SOX6: variants seen among roughly 807,000 people sequenced by gnomAD.
The protein encoded by SOX6 is SRY-box transcription factor 6, also known as transcription factor SOX-6.
Under a neutral mutation model 97.8 loss-of-function variants are expected in SOX6, and 11 were observed. The observed-to-expected ratio is 0.11, with a 90% CI of 0.07 to 0.19. The LOEUF (loss-of-function observed/expected upper bound fraction) is 0.19, where lower values mean the gene tolerates loss of function less well. Ranked by LOEUF, SOX6 falls within the 10% of genes least tolerant of loss-of-function variation. SOX6 has a pLI of 1.00. For missense variants in SOX6, 810 were observed against 1,039.5 expected, an observed-to-expected ratio of 0.78 and a Z score of 3.04; for synonymous variants, 360 against 371.4, an observed-to-expected ratio of 0.97 and a Z score of 0.35.
intron 4 of SOX6, among the ~76,000 whole-genome samples, chr11:16,502,384 C>T (rs1218715820): frequency 6.6e-6 from 1 of 151,944 alleles, no homozygotes; most frequent in African/African-American, 2.4e-5. Context: ...ATGGGTGCAG[C>T]ACACCAACAT....
At position 16,336,061 on chromosome 11, in the gene SOX6, T is replaced by C. The variant is rs879371188; in HGVS notation, c.237+4951A>G. 1.4e-4 allele frequency among the ~76,000 whole-genome samples: 21 copies of C among 152,320 alleles called. 1 individual carries two copies. The highest frequency in any genetic ancestry group is 1.4e-3 in the Admixed American group (21 of 15,292). Reference sequence around the variant, plus strand: ...AGTTCAGATATTCTGGGGCTGATAGTCCACTATGGTTATTTCTACCTACTT... The same window carrying C: ...AGTTCAGATATTCTGGGGCTGATAGCCCACTATGGTTATTTCTACCTACTT... On this transcript the variant is annotated intron_variant, in intron 2 of 15. Coordinates refer to ENST00000683767, the MANE Select transcript of SOX6 (RefSeq NM_001367873.1).
intron 3 of SOX6, among the ~76,000 whole-genome samples, chr11:16,307,736 GCT>G (rs941006186): frequency 6.6e-6 from 1 of 152,248 alleles, no homozygotes; most frequent in Non-Finnish European, 1.5e-5. Flanking sequence ...TAATTCTGCT[GCT>G]GTTGTTGCCG....
chr11:16,584,584 T>A (rs982527044), intron 4 of SOX6, among the ~76,000 whole-genome samples: 2 of 152,164 alleles, frequency 1.3e-5, no homozygotes, highest in Non-Finnish European at 2.9e-5. Flanking sequence ...GAATGATTAG[T>A]AAGAGTTTAC....
At chr11:16,400,483 C>G (rs540933544) in intron 1 of SOX6, among the ~76,000 whole-genome samples, 14 of 151,430 alleles carry the variant, frequency 9.2e-5, no homozygotes, top group African/African-American at 1.4e-4. Flanking sequence ...TACTTTTGTA[C>G]TATAATAGCG....
chr11:15,975,100 C>T (rs1400963224), intron 15 of SOX6, among the ~76,000 whole-genome samples: 1 of 152,200 alleles, frequency 6.6e-6, no homozygotes, highest in African/African-American at 2.4e-5. Flanking sequence ...TGACACTAAG[C>T]ACTTGACATT....
intron 4 of SOX6, among the ~76,000 whole-genome samples, chr11:16,585,732 T>C (rs1848084913): frequency 7.0e-6 from 1 of 143,802 alleles, no homozygotes; most frequent in African/African-American, 2.6e-5. Flanking sequence ...ACCCAGGCTG[T>C]AGTGCAGTGG....
At chr11:16,326,402 G>T (rs1328418896) in intron 2 of SOX6, among the ~76,000 whole-genome samples, 1 of 151,746 alleles carries the variant, frequency 6.6e-6, no homozygotes, top group Non-Finnish European at 1.5e-5. Context: ...ACAACACTCA[G>T]CAGGATTGTT....
chr11:16,502,722 A>C (rs1473218639), intron 4 of SOX6, among the ~76,000 whole-genome samples: 1 of 152,198 alleles, frequency 6.6e-6, no homozygotes, highest in Non-Finnish European at 1.5e-5. Context: ...TCTGTGGGAC[A>C]CCATAAAGTG....
At chr11:16,628,620 CAAAA>C (rs71455891) in intron 3 of SOX6, among the ~76,000 whole-genome samples, 1 of 103,152 alleles carries the variant, frequency 9.7e-6, no homozygotes. Context: ...GACTCCATCT[CAAAA>C]AAAAAAAAAA....
chr11:16,373,241 A>G (rs1015183675), intron 1 of SOX6, among the ~76,000 whole-genome samples: 3 of 152,078 alleles, frequency 2.0e-5, no homozygotes, highest in African/African-American at 7.2e-5. Flanking sequence ...GACAACCACA[A>G]AGGACAATTC....
At chr11:16,623,335 AAT>A (rs1366942303) in intron 3 of SOX6, among the ~76,000 whole-genome samples, 4 of 152,106 alleles carry the variant, frequency 2.6e-5, no homozygotes, top group Admixed American at 1.3e-4. Context: ...AGCATTTTTT[AAT>A]ATGTTTGTTG....
intron 3 of SOX6, among the ~76,000 whole-genome samples, chr11:16,621,608 C>G (rs1393389200): frequency 6.6e-6 from 1 of 152,168 alleles, no homozygotes; most frequent in Non-Finnish European, 1.5e-5. Flanking sequence ...CATGTAGATA[C>G]TATGCTAAAC....
At chr11:16,121,361 A>G (rs758584858) in intron 6 of SOX6, among the ~76,000 whole-genome samples, 4 of 152,048 alleles carry the variant, frequency 2.6e-5, no homozygotes, top group Admixed American at 6.6e-5. Flanking sequence ...CATGAGAAAC[A>G]TGCTACTCCA....
At chr11:16,628,362 G>A (rs998557714) in intron 3 of SOX6, among the ~76,000 whole-genome samples, 2 of 152,012 alleles carry the variant, frequency 1.3e-5, no homozygotes, top group African/African-American at 2.4e-5. Flanking sequence ...GGTTGCTCAC[G>A]CCTGCAATCC....
At chr11:16,042,375 C>A (rs1197025110) in intron 12 of SOX6, among the ~76,000 whole-genome samples, 3 of 152,260 alleles carry the variant, frequency 2.0e-5, no homozygotes, top group African/African-American at 2.4e-5. Flanking sequence ...GGAAAGAATA[C>A]CCTACCCAGG....
At chr11:16,690,918 G>C (rs1489554828) in intron 3 of SOX6, among the ~76,000 whole-genome samples, 2 of 152,188 alleles carry the variant, frequency 1.3e-5, no homozygotes, top group Non-Finnish European at 2.9e-5. Context: ...TTCAAATAGA[G>C]GTCAAAGGCT....
chr11:16,373,889 G>GGGAGGA (rs1565119057), intron 1 of SOX6, among the ~76,000 whole-genome samples: 1 of 14,214 alleles, frequency 7.0e-5, no homozygotes, highest in Non-Finnish European at 2.1e-4. Flanking sequence ...GGAAGGAAGG[G>GGGAGGA]AGGGAGGGAG....
At chr11:16,258,401 A>G (rs118029314) in intron 3 of SOX6, among the ~76,000 whole-genome samples, 1 of 152,178 alleles carries the variant, frequency 6.6e-6, no homozygotes, top group Non-Finnish European at 1.5e-5. Context: ...CTACCAAGCT[A>G]TGAAAAGACG....
intron 3 of SOX6, among the ~76,000 whole-genome samples, chr11:16,294,379 A>G (rs1304350977): frequency 6.6e-6 from 1 of 152,086 alleles, no homozygotes; most frequent in Non-Finnish European, 1.5e-5. Context: ...GCAACTTTCA[A>G]TGCCTTTGGG....
Sources: gnomAD v4.1 joint callset for allele counts (sites outside exome capture counted in the v4.1 genomes callset) on GRCh38, gnomAD v4.1.1 for gene constraint, MANE v1.5 for transcripts, NCBI Gene and HGNC (gene_info 2026-07-23, HGNC 2026-07-21) for gene names.